The following SIPA1L3 variants were observed in gnomAD, a reference collection of about 807,000 sequenced individuals.
The protein encoded by SIPA1L3 is signal-induced proliferation-associated 1-like protein 3.
A neutral mutation model predicts 150.1 loss-of-function variants in SIPA1L3; 59 were observed. The observed-to-expected ratio is 0.39, with a 90% confidence interval of 0.32 to 0.49. The LOEUF (loss-of-function observed/expected upper bound fraction) is 0.49, where lower values mean the gene tolerates loss of function less well. Ranked by LOEUF, SIPA1L3 falls within the 20% of genes least tolerant of loss-of-function variation. The pLI is 0.86. For synonymous variants in SIPA1L3, 1,070 were observed against 1,077.6 expected (o/e 0.99, Z 0.14); for missense variants, 2,211 against 2,489.5 (o/e 0.89, Z 2.38).
chr19:38,183,721 G>T (rs1440113603), intron 16 of SIPA1L3, among the ~76,000 whole-genome samples: 1 of 152,184 alleles, frequency 6.6e-6, no homozygotes, highest in Non-Finnish European at 1.5e-5. Flanking sequence ...GGTGTGGAGA[G>T]AGGAGAAATG....
intron 1 of SIPA1L3, among the ~76,000 whole-genome samples, chr19:37,994,099 G>A (rs767150018): frequency 6.6e-6 from 1 of 151,950 alleles, no homozygotes; most frequent in East Asian, 1.9e-4. Flanking sequence ...TGTGGGTCTC[G>A]CTTTGTTGTC....
At chr19:38,120,031 G>C in intron 9 of SIPA1L3, 149 bp downstream of exon 9, 1 of 607,656 alleles carries the variant, frequency 1.6e-6, no homozygotes, top group South Asian at 2.2e-5. Flanking sequence ...TAGACATCTT[G>C]TGGGTTCTGT....
At chr19:38,113,932 T>C (rs1035626855) in intron 8 of SIPA1L3, among the ~76,000 whole-genome samples, 1 of 152,180 alleles carries the variant, frequency 6.6e-6, no homozygotes, top group African/African-American at 2.4e-5. Context: ...AATTTCCGAA[T>C]GGCCACCCGC....
chr19:37,938,811 C>T (rs181645874), intron 1 of SIPA1L3, among the ~76,000 whole-genome samples: 116 of 151,946 alleles, frequency 7.6e-4, no homozygotes, highest in African/African-American at 2.4e-3. Context: ...TTAGTAGAGA[C>T]GGGATTTCAT....
At chr19:38,184,077 T>A (rs1972623700) in intron 16 of SIPA1L3, among the ~76,000 whole-genome samples, 2 of 152,264 alleles carry the variant, frequency 1.3e-5, no homozygotes, top group Admixed American at 6.5e-5. Flanking sequence ...TAACATTGCC[T>A]GAGCACTCAC....
chr19:37,977,475 A>G (rs1415564109), intron 1 of SIPA1L3, among the ~76,000 whole-genome samples: 1 of 152,096 alleles, frequency 6.6e-6, no homozygotes, highest in Non-Finnish European at 1.5e-5. Flanking sequence ...CGGCCTCATT[A>G]TTATTTTTAT....
intron 16 of SIPA1L3, 83 bp from the exon 17 acceptor site, chr19:38,192,062 G>A: frequency 7.6e-7 from 1 of 1,322,946 alleles, no homozygotes; most frequent in East Asian, 2.4e-5. Context: ...TCCCGTGGTG[G>A]CCGGCCCTCT....
rs745315016 is a variant in SIPA1L3, at chr19:38,082,102, TGACGCGGAG to T, written c.545_553del (p.Glu182_Ala184del). 1.1e-5 allele frequency: 17 copies of T among 1,609,570 alleles called. No homozygotes were observed. Among genetic ancestry groups the T allele is most frequent in the Admixed American group, 3.3e-5 (2 of 59,948 alleles). On this transcript the variant is annotated inframe_deletion, in exon 3 of 22. Coordinates refer to ENST00000222345, the MANE Select transcript of SIPA1L3 (RefSeq NM_015073.3). ...GCAGCGAGATCACCCTCAGCGAGTG[TGACGCGGAG>T]GACGCGGGGGAGCCGCGGGGGGCCC... is the stretch of plus-strand genomic sequence containing the variant.
At chr19:37,962,291 G>C (rs2046865544) in intron 1 of SIPA1L3, among the ~76,000 whole-genome samples, 1 of 151,614 alleles carries the variant, frequency 6.6e-6, no homozygotes, top group Non-Finnish European at 1.5e-5. Flanking sequence ...TTGCAGGCCT[G>C]CGCCACCACG....
At chr19:38,031,176 G>T (rs983453964) in intron 2 of SIPA1L3, among the ~76,000 whole-genome samples, 1 of 152,120 alleles carries the variant, frequency 6.6e-6, no homozygotes, top group Non-Finnish European at 1.5e-5. Flanking sequence ...TGTGAAAATG[G>T]TTACAAAGTT....
intron 1 of SIPA1L3, among the ~76,000 whole-genome samples, chr19:38,000,639 T>C (rs1338018546): frequency 6.8e-6 from 1 of 147,796 alleles, no homozygotes; most frequent in Non-Finnish European, 1.5e-5. Flanking sequence ...TTTCACTCGA[T>C]GTTCAAAATC....
At position 38,208,178 on chromosome 19, in the gene SIPA1L3, C is replaced by G. The variant is rs1568614033; in HGVS notation, c.*1938C>G. On this transcript the variant is annotated 3_prime_UTR_variant, in exon 22 of 22. Coordinates refer to ENST00000222345, the MANE Select transcript of SIPA1L3 (RefSeq NM_015073.3). ...TTTAAGGATTTCTGCAAAAACAGATCTATTTAATTTGAGGTTGATGTTCTA... is the reference window on the plus strand; with the variant it reads ...TTTAAGGATTTCTGCAAAAACAGATGTATTTAATTTGAGGTTGATGTTCTA... The G allele has an allele frequency of 1.3e-5, 2 of 151,784 alleles. No individual in the cohort carries two copies. The highest frequency in any genetic ancestry group is 4.9e-5 in the African/African-American group (2 of 41,174). The allele number at this position is 151,784 out of a possible 1,614,324, so 9.4% of individuals were successfully genotyped here. A position where few individuals can be genotyped will look rare whatever the true frequency, so the allele number is the denominator to read the frequency against.
rs367822957 is a variant in SIPA1L3, at chr19:38,167,899, CTT to C, written c.4208+2996_4208+2997del. Reference sequence around the variant, plus strand: ...TCTTAATCTTTTGAACATGTGGACTCTTTTGAATGGCTCTTTCATTCATTTAT... The same window carrying C: ...TCTTAATCTTTTGAACATGTGGACTCTTGAATGGCTCTTTCATTCATTTAT... On this transcript the variant is annotated intron_variant, in intron 15 of 21. Transcript: ENST00000222345. Among the ~76,000 whole-genome samples, 19 of 152,158 alleles carry C rather than the reference CTT, an allele frequency of 1.2e-4. No homozygotes were observed. The East Asian group carries it at 1.5e-3, about 12-fold the overall frequency.
At chr19:38,043,300 A>G (rs1422362575) in intron 2 of SIPA1L3, among the ~76,000 whole-genome samples, 1 of 152,208 alleles carries the variant, frequency 6.6e-6, no homozygotes, top group East Asian at 1.9e-4. Flanking sequence ...AGATCACACC[A>G]CTGCACTCCA....
At chr19:38,107,938 T>C (rs578159503) in intron 7 of SIPA1L3, among the ~76,000 whole-genome samples, 1 of 152,008 alleles carries the variant, frequency 6.6e-6, no homozygotes, top group South Asian at 2.1e-4. Context: ...GATCATGCCA[T>C]TGCACTCCAG....
At chr19:38,128,519 G>A (rs1438560106) in intron 9 of SIPA1L3, among the ~76,000 whole-genome samples, 2 of 152,338 alleles carry the variant, frequency 1.3e-5, no homozygotes, top group South Asian at 2.1e-4. Context: ...GGGCATGTGT[G>A]TAAAACACGA....
chr19:38,182,808 G>A, intron 16 of SIPA1L3, 68 bp downstream of exon 16: 1 of 1,227,870 alleles, frequency 8.1e-7, no homozygotes. Flanking sequence ...GGCGGAAAGA[G>A]GGTGATGCCA....
In SIPA1L3 at chr19:38,134,580, G is replaced by A. The variant is rs561842374; in HGVS notation, c.3143+3808G>A. Among the ~76,000 whole-genome samples the A allele has an allele frequency of 3.4e-4, 52 of 151,418 alleles. 1 individual carries two copies. The highest frequency in any genetic ancestry group is 3.0e-3 in the Admixed American group (45 of 15,202). ...AAATTAGCCGGGCATGGTAGCGTGCGCCTGTAGTTCCAGCTATTCAGGAGG... is the reference window on the plus strand; with the variant it reads ...AAATTAGCCGGGCATGGTAGCGTGCACCTGTAGTTCCAGCTATTCAGGAGG... On this transcript the variant is annotated intron_variant, in intron 10 of 21. Coordinates refer to ENST00000222345, the MANE Select transcript of SIPA1L3 (RefSeq NM_015073.3).
chr19:37,931,731 G>A (rs1362715761), intron 1 of SIPA1L3, among the ~76,000 whole-genome samples: 2 of 152,136 alleles, frequency 1.3e-5, no homozygotes, highest in East Asian at 3.9e-4. Context: ...TCCAGCCTGG[G>A]TGACAGAGCA....
Sources: allele counts gnomAD v4.1 joint callset (sites outside exome capture counted in the v4.1 genomes callset), GRCh38; gene constraint gnomAD v4.1.1; transcripts MANE v1.5; gene names NCBI Gene and HGNC (gene_info 2026-07-23, HGNC 2026-07-21).